Variants in CSMD1 observed in about 807,000 individuals in gnomAD.
CSMD1 encodes CUB and Sushi multiple domains 1.
CSMD1 carries 213 observed loss-of-function variants against 417.5 expected under a neutral mutation model. The observed-to-expected ratio is 0.51, with a 90% CI of 0.46 to 0.57. CSMD1 has a LOEUF of 0.57. Ranked by LOEUF, CSMD1 falls within the 20% of genes least tolerant of loss-of-function variation. CSMD1 has a pLI of 0.00. For missense variants in CSMD1, 6,923 were observed against 4,529.7 expected (o/e 1.53, Z -15.17); for synonymous variants, 2,862 against 1,736.8 (o/e 1.65, Z -16.11).
At chr8:4,471,637 G>T (rs962377231) in intron 2 of CSMD1, among the ~76,000 whole-genome samples, 1 of 152,128 alleles carries the variant, frequency 6.6e-6, no homozygotes, top group Non-Finnish European at 1.5e-5. Context: ...GCGGCGACTG[G>T]TTGGAAAGAA....
At chr8:3,367,317 G>C (rs1248948453) in intron 19 of CSMD1, 70 bp from the exon 20 acceptor site, 9 of 961,202 alleles carry the variant, frequency 9.4e-6, no homozygotes, top group South Asian at 4.2e-5. Context: ...GGCAGAGAGG[G>C]AGCGGGGCAG....
At chr8:4,573,122 A>C (rs1014109846) in intron 2 of CSMD1, among the ~76,000 whole-genome samples, 1 of 152,142 alleles carries the variant, frequency 6.6e-6, no homozygotes, top group African/African-American at 2.4e-5. Flanking sequence ...ACTTCTGTCA[A>C]TTCATCAAAC....
At chr8:3,491,479 A>G (rs1818376544) in intron 11 of CSMD1, among the ~76,000 whole-genome samples, 1 of 152,198 alleles carries the variant, frequency 6.6e-6, no homozygotes, top group Admixed American at 6.5e-5. Context: ...TATTCTCATC[A>G]TTATTATAAT....
At chr8:3,452,731 G>C (rs1016269689) in intron 12 of CSMD1, among the ~76,000 whole-genome samples, 3 of 152,182 alleles carry the variant, frequency 2.0e-5, no homozygotes, top group Non-Finnish European at 4.4e-5. Flanking sequence ...GTATTTTATT[G>C]AGGATTTTTG....
intron 5 of CSMD1, among the ~76,000 whole-genome samples, chr8:3,973,027 G>A (rs764183980): frequency 6.6e-6 from 1 of 152,204 alleles, no homozygotes; most frequent in Non-Finnish European, 1.5e-5. Flanking sequence ...TTCTAACAGT[G>A]TTTACCAATA....
intron 26 of CSMD1, among the ~76,000 whole-genome samples, chr8:3,241,427 C>G (rs1005319318): frequency 6.6e-6 from 1 of 152,090 alleles, no homozygotes; most frequent in Admixed American, 6.5e-5. Flanking sequence ...ACCTAAAGCT[C>G]GGCATCTGTG....
chr8:3,803,518 C>G (rs74695886), intron 5 of CSMD1, among the ~76,000 whole-genome samples: 2,485 of 152,228 alleles, frequency 0.016, 63 homozygotes, highest in African/African-American at 0.053. Flanking sequence ...ACAGAAAACC[C>G]AGGGGCTGGG....
At chr8:3,709,594 G>A (rs1285217983) in intron 6 of CSMD1, among the ~76,000 whole-genome samples, 1 of 149,122 alleles carries the variant, frequency 6.7e-6, no homozygotes, top group Non-Finnish European at 1.5e-5. Flanking sequence ...CCAGTCAGAT[G>A]AAGGCCCAAA....
rs369498325 is a variant in CSMD1 at position 4,837,121 on chromosome 8, A to G, written c.85+157211T>C. Among the ~76,000 whole-genome samples the G allele has an allele frequency of 9.2e-5, 14 of 152,276 alleles. No individual in the cohort carries two copies. In the South Asian group the frequency reaches 2.9e-3, roughly 32 times the overall value. The stretch of plus-strand genomic sequence containing the variant: ...GCTTCACTAAGTAATCTGATTTCTA[A>G]TAGATCCAAATAATGTTATGTCTAA... On this transcript the variant is annotated intron_variant, in intron 1 of 69. Coordinates refer to ENST00000635120, the MANE Select transcript of CSMD1 (RefSeq NM_033225.6).
chr8:3,846,019 A>G (rs1803478219), intron 5 of CSMD1, among the ~76,000 whole-genome samples: 1 of 152,092 alleles, frequency 6.6e-6, no homozygotes, highest in African/African-American at 2.4e-5. Context: ...CCTTCTGGAC[A>G]TCTTCTGAAA....
chr8:3,568,505 A>C (rs1223821187), intron 10 of CSMD1, among the ~76,000 whole-genome samples: 1 of 152,224 alleles, frequency 6.6e-6, no homozygotes, highest in East Asian at 1.9e-4. Flanking sequence ...ATGAGCTTTA[A>C]TAGCAACAAA....
chr8:4,692,447 G>A (rs62484581), intron 1 of CSMD1, among the ~76,000 whole-genome samples: 12,048 of 152,224 alleles, frequency 0.079, 548 homozygotes, highest in East Asian at 0.13. Flanking sequence ...GACCGTCCTT[G>A]AAGCTCCTGG....
intron 2 of CSMD1, among the ~76,000 whole-genome samples, chr8:4,489,303 C>G (rs1801578447): frequency 6.6e-6 from 1 of 152,202 alleles, no homozygotes; most frequent in Admixed American, 6.5e-5. Context: ...GAAAATGTCT[C>G]AAAGATTCAA....
intron 3 of CSMD1, among the ~76,000 whole-genome samples, chr8:4,172,419 G>C (rs947317140): frequency 6.6e-6 from 1 of 151,864 alleles, no homozygotes; most frequent in South Asian, 2.1e-4. Flanking sequence ...TGGCTCCCGC[G>C]TTACACAGCA....
At chr8:3,782,975 G>A (rs966099378) in intron 5 of CSMD1, among the ~76,000 whole-genome samples, 1 of 152,172 alleles carries the variant, frequency 6.6e-6, no homozygotes, top group Non-Finnish European at 1.5e-5. Flanking sequence ...GTACAGGATT[G>A]TTAGCTATAA....
intron 5 of CSMD1, among the ~76,000 whole-genome samples, chr8:3,829,073 T>C (rs1002315760): frequency 6.6e-6 from 1 of 152,212 alleles, no homozygotes; most frequent in Middle Eastern, 3.4e-3. Context: ...AGGTGGTATT[T>C]GTTTACATGA....
chr8:4,402,308 T>G (rs1304687577), intron 3 of CSMD1, among the ~76,000 whole-genome samples: 1 of 151,884 alleles, frequency 6.6e-6, no homozygotes, highest in Non-Finnish European at 1.5e-5. Context: ...CTCTCCTCTT[T>G]CCCTCCTTCA....
At chr8:4,415,970 A>G (rs918918989) in intron 3 of CSMD1, among the ~76,000 whole-genome samples, 2 of 152,188 alleles carry the variant, frequency 1.3e-5, no homozygotes, top group Non-Finnish European at 2.9e-5. Context: ...TCGGGAAACT[A>G]AAGTACTGCA....
rs531196564 is a variant in CSMD1 at position 4,794,811 on chromosome 8, T to C, written c.86-157253A>G. On this transcript the variant is annotated intron_variant, in intron 1 of 69. Coordinates refer to ENST00000635120, the MANE Select transcript of CSMD1 (RefSeq NM_033225.6). Reference sequence around the variant, plus strand: ...AAGTAGTTTGAATAGAAGCACTCAATGGTCCAAGTTACAATTTAGGAAAAC... The same window carrying C: ...AAGTAGTTTGAATAGAAGCACTCAACGGTCCAAGTTACAATTTAGGAAAAC... Among the ~76,000 whole-genome samples, 9 of 152,312 alleles carry C rather than the reference T, an allele frequency of 5.9e-5. No individual in the cohort carries two copies. In the South Asian group the frequency reaches 1.7e-3, roughly 28 times the overall value.
Sources: gnomAD v4.1 joint callset for allele counts (sites outside exome capture counted in the v4.1 genomes callset) on GRCh38, gnomAD v4.1.1 for gene constraint, MANE v1.5 for transcripts, NCBI Gene and HGNC (gene_info 2026-07-23, HGNC 2026-07-21) for gene names.